Variants in LUZP2 observed in about 807,000 individuals in gnomAD.
LUZP2 encodes leucine zipper protein 2.
Under a neutral mutation model 51.6 loss-of-function variants are expected in LUZP2, and 52 were observed. The observed-to-expected ratio is 1.01, with a 90% CI of 0.81 to 1.27. LUZP2 has a LOEUF of 1.27. Among genes scored for constraint, LUZP2 ranks in the 50% most tolerant of loss-of-function variants. LUZP2 has a pLI of 0.00. For missense variants in LUZP2, 436 were observed against 395.4 expected, an observed-to-expected ratio of 1.10 and a Z score of -0.87; for synonymous variants, 154 against 137.3, an observed-to-expected ratio of 1.12 and a Z score of -0.85.
intron 5 of LUZP2, among the ~76,000 whole-genome samples, chr11:24,781,555 A>T (rs1849091313): frequency 6.8e-6 from 1 of 146,466 alleles, no homozygotes; most frequent in African/African-American, 2.5e-5. Flanking sequence ...AGTCATGAAG[A>T]CCTGTGTTTC....
Position 24,812,405 on chromosome 11 carries a change from A to G in LUZP2, c.396+49097A>G, listed in dbSNP as rs1850048718. 3.3e-5 allele frequency among the ~76,000 whole-genome samples: 5 copies of G among 152,326 alleles called. No individual in the cohort carries two copies. The South Asian group carries it at 1.0e-3, about 32-fold the overall frequency. On this transcript the variant is annotated intron_variant, in intron 5 of 11. Coordinates refer to ENST00000336930, the MANE Select transcript of LUZP2 (RefSeq NM_001009909.4). ...TCTGCTTCTCAGCTCATTGTTTACT[A>G]GTAAATACATATTCTAACAACTCAA...
At chr11:24,597,115 A>C (rs1853468424) in intron 1 of LUZP2, among the ~76,000 whole-genome samples, 1 of 152,224 alleles carries the variant, frequency 6.6e-6, no homozygotes, top group Non-Finnish European at 1.5e-5. Context: ...ACACTTGTGC[A>C]TTACGAAGGA....
intron 1 of LUZP2, among the ~76,000 whole-genome samples, chr11:24,589,268 T>C (rs915183586): frequency 1.3e-5 from 2 of 152,122 alleles, no homozygotes; most frequent in Non-Finnish European, 2.9e-5. Context: ...TCCAGTGACC[T>C]ATCACAAAAT....
intron 1 of LUZP2, among the ~76,000 whole-genome samples, chr11:24,583,767 G>A (rs907172459): frequency 3.3e-5 from 5 of 150,756 alleles, no homozygotes; most frequent in Non-Finnish European, 3.0e-5. Context: ...TCAGTGGGGC[G>A]ATCTCGGCTC....
At chr11:24,980,703 A>G (rs1365665240) in intron 8 of LUZP2, among the ~76,000 whole-genome samples, 1 of 151,800 alleles carries the variant, frequency 6.6e-6, no homozygotes, top group Non-Finnish European at 1.5e-5. Context: ...CAACTTTAGG[A>G]AAGAACCATT....
At chr11:24,739,782 T>C (rs962543348) in intron 4 of LUZP2, among the ~76,000 whole-genome samples, 5 of 152,078 alleles carry the variant, frequency 3.3e-5, no homozygotes, top group Admixed American at 6.6e-5. Context: ...CCAACAATGA[T>C]TGTTGACTTT....
intron 5 of LUZP2, among the ~76,000 whole-genome samples, chr11:24,830,998 A>G (rs1850686850): frequency 6.6e-6 from 1 of 152,084 alleles, no homozygotes; most frequent in African/African-American, 2.4e-5. Context: ...CCTCTCAAAA[A>G]TAAAAATAAA....
At chr11:24,676,171 C>T (rs1447318502) in intron 1 of LUZP2, among the ~76,000 whole-genome samples, 2 of 152,084 alleles carry the variant, frequency 1.3e-5, no homozygotes, top group African/African-American at 4.8e-5. Context: ...GCAGATTTTA[C>T]TCTTCCTTAT....
intron 7 of LUZP2, among the ~76,000 whole-genome samples, chr11:24,926,053 T>C (rs888537543): frequency 1.3e-5 from 2 of 152,012 alleles, no homozygotes; most frequent in Non-Finnish European, 2.9e-5. Context: ...TCCAGGTTGC[T>C]GCAAATGCTA....
intron 5 of LUZP2, among the ~76,000 whole-genome samples, chr11:24,845,499 T>C (rs922094969): frequency 2.0e-5 from 3 of 152,070 alleles, no homozygotes; most frequent in Admixed American, 6.6e-5. Context: ...GAACACAGGA[T>C]TGGCTTTGAA....
chr11:25,000,076 G>GAGTGCTGATTGGTCCA (rs1352792619), intron 9 of LUZP2, among the ~76,000 whole-genome samples: 2 of 68,484 alleles, frequency 2.9e-5, no homozygotes, highest in Non-Finnish European at 4.5e-5. Context: ...TGATTGGTCC[G>GAGTGCTGATTGGTCCA]TTTGTACTGA....
chr11:25,030,857 C>A (rs6484095), intron 9 of LUZP2, among the ~76,000 whole-genome samples: 1 of 117,290 alleles, frequency 8.5e-6, no homozygotes, highest in African/African-American at 3.0e-5. Flanking sequence ...GTATGTGTAG[C>A]GTGTGTTTGT....
rs746827343 is a variant in LUZP2 at position 25,050,025 on chromosome 11, C to T, written c.766-13C>T. ...TGATTTCTTTCTTTCTATCTCTCTT[C>T]GTCTCTTTTAAGCCTCAACAAAGTG... On this transcript the variant is annotated splice_polypyrimidine_tract_variant and intron_variant, in intron 9 of 11. Transcript: ENST00000336930. 27 of 1,510,504 alleles carry T rather than the reference C, an allele frequency of 1.8e-5. 1 individual carries two copies. Among genetic ancestry groups the T allele is most frequent in the Non-Finnish European group, 2.3e-5 (26 of 1,114,220 alleles). The allele number at this position is 1,510,504 out of a possible 1,614,324, so 93.6% of individuals were successfully genotyped here.
intron 1 of LUZP2, among the ~76,000 whole-genome samples, chr11:24,604,730 G>A (rs1853855456): frequency 6.6e-6 from 1 of 151,664 alleles, no homozygotes; most frequent in Non-Finnish European, 1.5e-5. Context: ...AGCGAACAAG[G>A]AGTAACCTTA....
intron 8 of LUZP2, among the ~76,000 whole-genome samples, chr11:24,980,726 G>A (rs959082976): frequency 2.0e-5 from 3 of 151,764 alleles, no homozygotes; most frequent in Non-Finnish European, 2.9e-5. Context: ...TGGAAAGGGT[G>A]ATAGGGGCTG....
At chr11:24,879,128 T>C (rs1281473273) in intron 5 of LUZP2, among the ~76,000 whole-genome samples, 1 of 152,038 alleles carries the variant, frequency 6.6e-6, no homozygotes, top group East Asian at 1.9e-4. Flanking sequence ...GTATTTTTAG[T>C]ACAGACAGGT....
At chr11:24,676,780 C>G (rs963505225) in intron 1 of LUZP2, among the ~76,000 whole-genome samples, 4 of 152,078 alleles carry the variant, frequency 2.6e-5, no homozygotes, top group Non-Finnish European at 5.9e-5. Flanking sequence ...TCTCCTGCCT[C>G]AGCCTCCCAA....
intron 4 of LUZP2, 121 bp downstream of exon 4, chr11:24,738,423 AAGCATC>A: frequency 2.9e-6 from 2 of 681,750 alleles, no homozygotes; most frequent in Non-Finnish European, 5.1e-6. Flanking sequence ...ACAATAAAAG[AAGCATC>A]AGTCAATGTG....
intron 1 of LUZP2, among the ~76,000 whole-genome samples, chr11:24,635,533 C>A (rs1381575065): frequency 2.0e-5 from 3 of 152,090 alleles, no homozygotes; most frequent in Non-Finnish European, 2.9e-5. Context: ...ATTTTCAGTA[C>A]ATTTCTATGC....
Sources: gnomAD v4.1 joint callset for allele counts (sites outside exome capture counted in the v4.1 genomes callset) on GRCh38, gnomAD v4.1.1 for gene constraint, MANE v1.5 for transcripts, NCBI Gene and HGNC (gene_info 2026-07-23, HGNC 2026-07-21) for gene names.